ATXN7L1: variants seen among roughly 807,000 people sequenced by gnomAD.
ATXN7L1 encodes ataxin-7-like protein 1.
Under a neutral mutation model 70.8 loss-of-function variants are expected in ATXN7L1, and 15 were observed. That is an observed-to-expected ratio of 0.21 (90% CI 0.14 to 0.33). The LOEUF is 0.33. Ranked by LOEUF, ATXN7L1 falls within the 10% of genes least tolerant of loss-of-function variation. The pLI is 1.00. For synonymous variants in ATXN7L1, 440 were observed against 445.1 expected, an observed-to-expected ratio of 0.99 and a Z score of 0.14; for missense variants, 975 against 1,097.1, an observed-to-expected ratio of 0.89 and a Z score of 1.57.
intron 2 of ATXN7L1, among the ~76,000 whole-genome samples, chr7:105,860,217 GGT>G (rs1265319072): frequency 6.9e-6 from 1 of 144,564 alleles, no homozygotes; most frequent in African/African-American, 2.6e-5. Flanking sequence ...AGGTGATCAT[GGT>G]ACCGTTATTT....
intron 3 of ATXN7L1, among the ~76,000 whole-genome samples, chr7:105,702,409 A>G (rs1037988186): frequency 1.1e-4 from 16 of 152,142 alleles, no homozygotes; most frequent in African/African-American, 3.9e-4. Context: ...TCCCAACTAG[A>G]CAGCTTTGAA....
chr7:105,663,839 C>T (rs1434427721), intron 4 of ATXN7L1, among the ~76,000 whole-genome samples: 7 of 152,066 alleles, frequency 4.6e-5, no homozygotes, highest in Non-Finnish European at 8.8e-5. Flanking sequence ...AATCTCGGCT[C>T]GCTGCAACCT....
chr7:105,840,862 C>G (rs896235007), intron 2 of ATXN7L1, among the ~76,000 whole-genome samples: 3 of 152,200 alleles, frequency 2.0e-5, no homozygotes, highest in African/African-American at 7.2e-5. Context: ...TTACCTTTGC[C>G]CCCAAGTTCT....
intron 2 of ATXN7L1, among the ~76,000 whole-genome samples, chr7:105,863,070 C>A (rs1464548455): frequency 6.6e-6 from 1 of 152,192 alleles, no homozygotes; most frequent in Non-Finnish European, 1.5e-5. Flanking sequence ...AGAGAGCACA[C>A]CCTTCATGAA....
At chr7:105,642,682 C>A (rs1376918017) in intron 5 of ATXN7L1, among the ~76,000 whole-genome samples, 156 bp downstream of exon 5, 1 of 152,222 alleles carries the variant, frequency 6.6e-6, no homozygotes, top group African/African-American at 2.4e-5. Context: ...TTTTCCCTTG[C>A]ATTTTTAGGT....
chr7:105,717,184 G>T (rs1233822631), intron 3 of ATXN7L1, among the ~76,000 whole-genome samples: 1 of 152,114 alleles, frequency 6.6e-6, no homozygotes, highest in African/African-American at 2.4e-5. Flanking sequence ...CTGGAGTGCA[G>T]TGGCACAATA....
At chr7:105,720,103 A>ATGTAGCATG (rs1795011480) in intron 3 of ATXN7L1, among the ~76,000 whole-genome samples, 2 of 152,214 alleles carry the variant, frequency 1.3e-5, no homozygotes, top group African/African-American at 4.8e-5. Flanking sequence ...GCTTCTTTAA[A>ATGTAGCATG]TAGTCCGAAT....
intron 10 of ATXN7L1, 139 bp downstream of exon 10, chr7:105,613,723 G>A: frequency 6.6e-7 from 1 of 1,513,562 alleles, no homozygotes; most frequent in Non-Finnish European, 8.8e-7. Flanking sequence ...CAAAGCAGAG[G>A]GTGAAAACTG....
chr7:105,626,797 C>T (rs916212579), intron 7 of ATXN7L1, among the ~76,000 whole-genome samples: 1 of 152,168 alleles, frequency 6.6e-6, no homozygotes, highest in Non-Finnish European at 1.5e-5. Flanking sequence ...AACTCTGCCA[C>T]CCAAGATCAA....
chr7:105,820,400 G>A (rs1809966893), intron 2 of ATXN7L1, among the ~76,000 whole-genome samples: 1 of 152,174 alleles, frequency 6.6e-6, no homozygotes, highest in Non-Finnish European at 1.5e-5. Flanking sequence ...GGTATGAGGT[G>A]AGGAACATGC....
chr7:105,793,458 G>A lies in ATXN7L1; in HGVS notation c.251-4750C>T, dbSNP rs75205448. On this transcript the variant is annotated intron_variant, in intron 2 of 11. Transcript: ENST00000419735. The stretch of plus-strand genomic sequence containing the variant: ...AAGTTCACTAGTTCCCTCCAACACA[G>A]AGTCCTTGCTCCTAAGGACTCTCCC... 8.5e-3 allele frequency among the ~76,000 whole-genome samples: 1,287 copies of A among 152,230 alleles called. 23 individuals carry two copies. Among genetic ancestry groups the A allele is most frequent in the African/African-American group, 0.03 (1,237 of 41,524 alleles).
chr7:105,672,909 C>T (rs958886785), intron 3 of ATXN7L1, among the ~76,000 whole-genome samples: 1 of 152,230 alleles, frequency 6.6e-6, no homozygotes, highest in Non-Finnish European at 1.5e-5. Flanking sequence ...AAATGAAAAG[C>T]CAAATCCTTT....
chr7:105,755,810 T>C (rs1456887758), intron 3 of ATXN7L1, among the ~76,000 whole-genome samples: 2 of 152,118 alleles, frequency 1.3e-5, no homozygotes, highest in Non-Finnish European at 2.9e-5. Context: ...TATTGTAAAA[T>C]AAAGCATGGG....
intron 3 of ATXN7L1, among the ~76,000 whole-genome samples, chr7:105,773,436 G>C (rs1802290311): frequency 6.6e-6 from 1 of 152,110 alleles, no homozygotes; most frequent in South Asian, 2.1e-4. Flanking sequence ...GACTGTCCTT[G>C]AATTGCCCCT....
intron 3 of ATXN7L1, among the ~76,000 whole-genome samples, chr7:105,736,206 G>A (rs1057196727): frequency 5.3e-5 from 8 of 152,214 alleles, no homozygotes; most frequent in African/African-American, 1.9e-4. Context: ...CCATATTGGG[G>A]CTGAATATAG....
intron 3 of ATXN7L1, among the ~76,000 whole-genome samples, chr7:105,697,091 T>C (rs1554433436): frequency 6.6e-6 from 1 of 152,166 alleles, no homozygotes; most frequent in Non-Finnish European, 1.5e-5. Context: ...CAGGGCGAGA[T>C]CACAGGACCA....
chr7:105,614,317 G>C lies in ATXN7L1; in HGVS notation c.2017C>G (p.Pro673Ala). Reference sequence around the variant, plus strand: ...TTCAAAACACAGTTCTTTTTGTGAGGCCCTGACAGTGGAGACGAGAGGGAT... The same window carrying C: ...TTCAAAACACAGTTCTTTTTGTGAGCCCCTGACAGTGGAGACGAGAGGGAT... ...QTSLSSPLSG[P>A]HKKNCVLNAS... Residue 673 changes from proline to alanine, a missense_variant, in exon 10 of 12, where the codon CCT becomes GCT. By Grantham distance (27) the Pro-to-Ala change is conservative. Transcript: ENST00000419735. The surrounding 1 kb of genome is among the most constrained non-coding windows in gnomAD (Gnocchi z 4.3). 6.4e-7 allele frequency: 1 copy of C among 1,552,302 alleles called. No individual in the cohort carries two copies. The highest frequency in any genetic ancestry group is 8.7e-7 in the Non-Finnish European group (1 of 1,147,122).
intron 3 of ATXN7L1, among the ~76,000 whole-genome samples, chr7:105,667,042 T>C (rs1393660193): frequency 6.6e-6 from 1 of 152,212 alleles, no homozygotes; most frequent in Non-Finnish European, 1.5e-5. Context: ...CCTTCTCATC[T>C]CTCATGATTC....
chr7:105,876,282 A>ACT (rs1217449397), intron 1 of ATXN7L1, 96 bp downstream of exon 1: 6 of 1,386,644 alleles, frequency 4.3e-6, no homozygotes, highest in South Asian at 1.5e-5. Flanking sequence ...ACCGGGGGCC[A>ACT]CTCTCTCTCT....
Sources: allele counts gnomAD v4.1 joint callset (sites outside exome capture counted in the v4.1 genomes callset), GRCh38; gene constraint gnomAD v4.1.1; non-coding constraint Gnocchi (gnomAD v3.1); transcripts MANE v1.5; gene names NCBI Gene and HGNC (gene_info 2026-07-23, HGNC 2026-07-21).